MPRIP: variants seen among roughly 807,000 people sequenced by gnomAD.
MPRIP encodes myosin phosphatase Rho-interacting protein.
In MPRIP, 59 loss-of-function variants were observed where a neutral mutation model predicts 234.9. That is an observed-to-expected ratio of 0.25 (90% CI 0.20 to 0.31). The LOEUF (loss-of-function observed/expected upper bound fraction) is 0.31, where lower values mean the gene tolerates loss of function less well. Ranked by LOEUF, MPRIP falls within the 10% of genes least tolerant of loss-of-function variation. The pLI is 1.00. For synonymous variants in MPRIP, 1,144 were observed against 1,263.9 expected, an observed-to-expected ratio of 0.91 and a Z score of 2.01; for missense variants, 2,436 against 3,071.0, an observed-to-expected ratio of 0.79 and a Z score of 4.89.
At chr17:17,079,518 G>A (rs1204193559) in intron 3 of MPRIP, among the ~76,000 whole-genome samples, 1 of 152,222 alleles carries the variant, frequency 6.6e-6, no homozygotes, top group African/African-American at 2.4e-5. Context: ...ACAGGGAGTA[G>A]CCCTGGGGTC....
At chr17:17,178,265 T>C (rs1025014093) in intron 22 of MPRIP, 3 of 152,194 alleles carry the variant, frequency 2.0e-5, no homozygotes, top group Non-Finnish European at 2.9e-5. Context: ...TGATTTTTTA[T>C]ACAGAGACGC....
chr17:17,058,015 C>A, intron 1 of MPRIP: 1 of 342,902 alleles, frequency 2.9e-6, no homozygotes, highest in East Asian at 6.2e-5. Flanking sequence ...CGCCCCTCCC[C>A]AGTGGTATCC....
chr17:17,179,073 T>G (rs1426707840), intron 22 of MPRIP, among the ~76,000 whole-genome samples: 1 of 152,232 alleles, frequency 6.6e-6, no homozygotes, highest in African/African-American at 2.4e-5. Flanking sequence ...CCCAGCACTT[T>G]GGGAGGTTGA....
rs755382540 is a variant in MPRIP at position 17,147,397 on chromosome 17, T to G, written c.1629+10T>G. Reference sequence around the variant, plus strand: ...TTCAGTGGCTGAGGAGGTGAGTGTCTGGGCTTTGCCTCTGCTGTGGAGACA... The same window carrying G: ...TTCAGTGGCTGAGGAGGTGAGTGTCGGGGCTTTGCCTCTGCTGTGGAGACA... On this transcript the variant is annotated intron_variant, in intron 11 of 23. Transcript: ENST00000651222. 1.2e-6 allele frequency: 2 copies of G among 1,613,982 alleles called. No individual in the cohort carries two copies. Among genetic ancestry groups the G allele is most frequent in the Non-Finnish European group, 1.7e-6 (2 of 1,179,834 alleles).
rs957797431 is a variant in MPRIP at position 17,187,849 on chromosome 17, C to T, written c.*2955C>T. ...TCAGGCTGCTCCTTGGCACCAGCTA[C>T]ACAGTAGTGAGCTTTCCCAGCTTTA... On this transcript the variant is annotated 3_prime_UTR_variant, in exon 24 of 24. Coordinates refer to ENST00000651222, the MANE Select transcript of MPRIP (RefSeq NM_001364716.4). The T allele has an allele frequency of 5.9e-5, 9 of 152,260 alleles. No individual in the cohort carries two copies. Among genetic ancestry groups the T allele is most frequent in the African/African-American group, 2.2e-4 (9 of 41,464 alleles). The allele number at this position is 152,260 out of a possible 1,614,324, so 9.4% of individuals were successfully genotyped here.
Position 17,166,627 on chromosome 17 carries a change from T to C in MPRIP, c.5036T>C (p.Val1679Ala), listed in dbSNP as rs1234057612. 3 of 1,303,860 alleles carry C rather than the reference T, an allele frequency of 2.3e-6. No individual in the cohort carries two copies. The African/African-American group carries it at 4.6e-5, about 20-fold the overall frequency. 80.8% of individuals were successfully genotyped at this position (1,303,860 alleles called of 1,614,324 possible). The change falls in exon 16 of 24, where the codon GTG (valine) becomes GCG (alanine). Residue 1679 changes from valine (V) to alanine (A), a missense_variant. Physicochemically the swap from Val to Ala is moderately conservative, Grantham distance 64. Coordinates refer to ENST00000651222, the MANE Select transcript of MPRIP (RefSeq NM_001364716.4). This position sits in a 1 kb window ranked among gnomAD's most constrained non-coding sequence, Gnocchi z 4.4. ...RAELSFATQS[V>A]RESFHRRLQS... Reference sequence around the variant, plus strand: ...GAGCTCAGCTTTGCCACACAGTCAGTGAGGGAGTCGTTCCACCGCAGGCTA... The same window carrying C: ...GAGCTCAGCTTTGCCACACAGTCAGCGAGGGAGTCGTTCCACCGCAGGCTA...
intron 3 of MPRIP, among the ~76,000 whole-genome samples, chr17:17,082,495 A>G (rs2144087393): frequency 6.6e-6 from 1 of 151,908 alleles, no homozygotes; most frequent in Admixed American, 6.5e-5. Context: ...GGGTTTCTTC[A>G]TGCTGGACAG....
At chr17:17,066,569 C>A (rs567881276) in intron 1 of MPRIP, among the ~76,000 whole-genome samples, 2 of 151,906 alleles carry the variant, frequency 1.3e-5, no homozygotes, top group African/African-American at 4.8e-5. Flanking sequence ...CTATAGCAGT[C>A]CCCCTTTATT....
Position 17,143,639 on chromosome 17 carries a change from G to T in MPRIP, c.1473G>T (p.Leu491=), listed in dbSNP as rs2045387031. The T allele has an allele frequency of 1.2e-6, 2 of 1,607,390 alleles. No homozygotes were observed. Among genetic ancestry groups the T allele is most frequent in the Non-Finnish European group, 1.7e-6 (2 of 1,177,186 alleles). ...CTCCACACCGAAGAGCCAAGTCACT[G>T]GACAGGAGGTCCACGGAGCCCTCCG... ...PLSPHRRAKS[L]DRRSTEPSVT... is the part of the protein sequence containing the mutation. The change falls in exon 9 of 24, where the codon CTG becomes CTT. Residue 491 remains leucine, a synonymous_variant. Transcript: ENST00000651222.
intron 1 of MPRIP, among the ~76,000 whole-genome samples, chr17:17,048,441 T>C (rs2088426552): frequency 6.6e-6 from 1 of 152,174 alleles, no homozygotes; most frequent in Non-Finnish European, 1.5e-5. Context: ...TTTGACTTAA[T>C]GTGTATCTCA....
chr17:17,121,292 A>G (rs2090383533), intron 3 of MPRIP, among the ~76,000 whole-genome samples: 1 of 152,262 alleles, frequency 6.6e-6, no homozygotes, highest in South Asian at 2.1e-4. Flanking sequence ...TGTACAGCAT[A>G]TACTGCAATA....
rs530776080 is a variant in MPRIP at position 17,084,134 on chromosome 17, C to T, written c.267+6058C>T. On this transcript the variant is annotated intron_variant, in intron 3 of 23. Coordinates refer to ENST00000651222, the MANE Select transcript of MPRIP (RefSeq NM_001364716.4). ...TCCTCCTTGGTGCTGAGGCACCTCC[C>T]GGGCATCTGATTCTTTGGGAACCAT... 4.6e-5 allele frequency among the ~76,000 whole-genome samples: 7 copies of T among 152,312 alleles called. No individual in the cohort carries two copies. In the East Asian group the frequency reaches 1.2e-3, roughly 25 times the overall value.
chr17:17,043,747 G>A (rs995282207), intron 1 of MPRIP, among the ~76,000 whole-genome samples: 3 of 152,200 alleles, frequency 2.0e-5, no homozygotes, highest in African/African-American at 7.2e-5. Context: ...CTTGGCTGCA[G>A]CCCCCATGGC....
chr17:17,101,869 G>A (rs2089968797), intron 3 of MPRIP, among the ~76,000 whole-genome samples: 1 of 152,120 alleles, frequency 6.6e-6, no homozygotes, highest in Admixed American at 6.5e-5. Context: ...CAGAAAGCCT[G>A]CCTGCCTTGG....
intron 3 of MPRIP, among the ~76,000 whole-genome samples, chr17:17,094,520 A>C (rs888862012): frequency 5.2e-4 from 79 of 151,644 alleles, no homozygotes; most frequent in Non-Finnish European, 1.3e-4. Context: ...TGTATATTTC[A>C]GTGTGGGAAG....
intron 15 of MPRIP, among the ~76,000 whole-genome samples, chr17:17,163,009 C>G (rs1377332395): frequency 6.6e-6 from 1 of 152,234 alleles, no homozygotes; most frequent in Non-Finnish European, 1.5e-5. Context: ...CAGCACTGGG[C>G]AAAGCTGGTC....
At chr17:17,124,041 A>C (rs2090445503) in intron 3 of MPRIP, among the ~76,000 whole-genome samples, 1 of 152,226 alleles carries the variant, frequency 6.6e-6, no homozygotes, top group Admixed American at 6.5e-5. Context: ...TTTGCCTTTT[A>C]TTAATGCTTC....
Position 17,078,170 on chromosome 17 carries a change from A to G in MPRIP, c.267+94A>G. 3.2e-6 allele frequency: 4 copies of G among 1,254,390 alleles called. No individual in the cohort carries two copies. The highest frequency in any genetic ancestry group is 4.7e-6 in the Non-Finnish European group (4 of 860,162). The allele number at this position is 1,254,390 out of a possible 1,614,324, so 77.7% of individuals were successfully genotyped here. A position where few individuals can be genotyped will look rare whatever the true frequency, so the allele number is the denominator to read the frequency against. ...GTTGTCATGTGAGAGCACAGCAGCC[A>G]TGTGCTCCTGCTTGTGTCTGTTTGG... On this transcript the variant is annotated intron_variant, in intron 3 of 23. Coordinates refer to ENST00000651222, the MANE Select transcript of MPRIP (RefSeq NM_001364716.4). The surrounding 1 kb of genome is among the most constrained non-coding windows in gnomAD (Gnocchi z 4.3).
intron 3 of MPRIP, among the ~76,000 whole-genome samples, chr17:17,106,672 T>C (rs1471796404): frequency 6.6e-6 from 1 of 152,164 alleles, no homozygotes; most frequent in Non-Finnish European, 1.5e-5. Context: ...CAGGTCAGTC[T>C]CAGAGGATGG....
Sources: allele counts gnomAD v4.1 joint callset (sites outside exome capture counted in the v4.1 genomes callset), GRCh38; gene constraint gnomAD v4.1.1; non-coding constraint Gnocchi (gnomAD v3.1); transcripts MANE v1.5; gene names NCBI Gene and HGNC (gene_info 2026-07-23, HGNC 2026-07-21).